Variants in SEMA5A observed in about 807,000 individuals in gnomAD.
The protein encoded by SEMA5A is semaphorin-5A.
SEMA5A carries 55 observed loss-of-function variants against 135.5 expected under a neutral mutation model. The observed-to-expected ratio is 0.41, with a 90% CI of 0.33 to 0.51. The LOEUF (loss-of-function observed/expected upper bound fraction) is 0.51, where lower values mean the gene tolerates loss of function less well. Ranked by LOEUF, SEMA5A falls within the 20% of genes least tolerant of loss-of-function variation. The pLI is 0.37. For synonymous variants in SEMA5A, 580 were observed against 546.5 expected (o/e 1.06, Z -0.85); for missense variants, 1,290 against 1,419.9 (o/e 0.91, Z 1.47).
chr5:9,490,707 CG>C (rs1403854849), intron 1 of SEMA5A, among the ~76,000 whole-genome samples: 1 of 152,188 alleles, frequency 6.6e-6, no homozygotes, highest in African/African-American at 2.4e-5. Context: ...GCCCTCTTCC[CG>C]GGGATGCCCC....
chr5:9,226,835 T>A, intron 7 of SEMA5A, 34 bp downstream of exon 7: 3 of 1,532,754 alleles, frequency 2.0e-6, no homozygotes, highest in Non-Finnish European at 2.7e-6. Flanking sequence ...TCTTCTGATA[T>A]TAAATTCTTT....
At chr5:9,498,360 C>A (rs924356451) in intron 1 of SEMA5A, 1 of 152,190 alleles carries the variant, frequency 6.6e-6, no homozygotes, top group Non-Finnish European at 1.5e-5. Flanking sequence ...GGGAAAAGGA[C>A]TTTCATTCAC....
chr5:9,189,380 T>C (rs984268633), intron 11 of SEMA5A, among the ~76,000 whole-genome samples: 7 of 138,894 alleles, frequency 5.0e-5, no homozygotes, highest in Non-Finnish European at 9.1e-5. Context: ...ATTCAGTAGA[T>C]AGTAGCAACT....
chr5:9,285,247 A>G (rs962468494), intron 5 of SEMA5A, among the ~76,000 whole-genome samples: 2 of 152,146 alleles, frequency 1.3e-5, no homozygotes, highest in African/African-American at 4.8e-5. Context: ...AAATGCTAAT[A>G]TTTCATGATG....
chr5:9,048,818 G>A lies in SEMA5A; in HGVS notation c.2893+1592C>T, dbSNP rs996513060. On this transcript the variant is annotated intron_variant, in intron 21 of 22. Coordinates refer to ENST00000382496, the MANE Select transcript of SEMA5A (RefSeq NM_003966.3). ...ATTAGTGATCTAAAAACATTAGAGG[G>A]TACTAATTGGTATGATCATTTTTAT... is the stretch of plus-strand genomic sequence containing the variant. Among the ~76,000 whole-genome samples, 7 of 152,134 alleles carry A rather than the reference G, an allele frequency of 4.6e-5. No homozygotes were observed. The East Asian group carries it at 7.7e-4, about 17-fold the overall frequency.
At chr5:9,137,413 T>G (rs372007388) in intron 12 of SEMA5A, among the ~76,000 whole-genome samples, 1 of 152,192 alleles carries the variant, frequency 6.6e-6, no homozygotes, top group African/African-American at 2.4e-5. Context: ...ACATGGGCAT[T>G]ATTAGATGAG....
intron 4 of SEMA5A, among the ~76,000 whole-genome samples, chr5:9,336,498 A>G (rs1226128984): frequency 6.6e-6 from 1 of 152,222 alleles, no homozygotes; most frequent in Non-Finnish European, 1.5e-5. Context: ...AGTGAGCATC[A>G]GAAATCCCCC....
At chr5:9,113,834 T>C (rs1740371994) in intron 15 of SEMA5A, among the ~76,000 whole-genome samples, 1 of 152,196 alleles carries the variant, frequency 6.6e-6, no homozygotes, top group East Asian at 1.9e-4. Flanking sequence ...GGAACTCTCA[T>C]GCGTTGCTGT....
intron 1 of SEMA5A, among the ~76,000 whole-genome samples, chr5:9,534,940 C>T (rs984158388): frequency 1.3e-5 from 2 of 152,240 alleles, no homozygotes; most frequent in Non-Finnish European, 2.9e-5. Context: ...AAGCCTGACT[C>T]TTGTCCTGAC....
At chr5:9,436,316 G>T (rs958448500) in intron 2 of SEMA5A, among the ~76,000 whole-genome samples, 1 of 152,230 alleles carries the variant, frequency 6.6e-6, no homozygotes, top group Admixed American at 6.5e-5. Context: ...AGGTGCTGTG[G>T]TTCTCCATGG....
chr5:9,106,732 A>G (rs1048873971), intron 16 of SEMA5A, among the ~76,000 whole-genome samples: 3 of 152,242 alleles, frequency 2.0e-5, no homozygotes, highest in Admixed American at 1.3e-4. Flanking sequence ...TCATTTTAAA[A>G]TTATTTAAAA....
intron 2 of SEMA5A, among the ~76,000 whole-genome samples, chr5:9,405,394 T>C (rs1393619406): frequency 6.6e-6 from 1 of 152,212 alleles, no homozygotes; most frequent in Non-Finnish European, 1.5e-5. Context: ...TTTTAAGCAA[T>C]GTCTAAAGTC....
intron 1 of SEMA5A, among the ~76,000 whole-genome samples, chr5:9,509,883 C>T (rs1736111489): frequency 6.6e-6 from 1 of 152,054 alleles, no homozygotes; most frequent in Non-Finnish European, 1.5e-5. Context: ...AGACAAGGTG[C>T]CTCCAATCAT....
intron 3 of SEMA5A, among the ~76,000 whole-genome samples, chr5:9,349,057 T>A (rs566966619): frequency 6.6e-6 from 1 of 152,342 alleles, no homozygotes; most frequent in South Asian, 2.1e-4. Context: ...AAGCCACTAC[T>A]TCTTCAGACC....
intron 11 of SEMA5A, among the ~76,000 whole-genome samples, chr5:9,157,122 T>C (rs1439284244): frequency 2.0e-5 from 3 of 152,222 alleles, no homozygotes; most frequent in Admixed American, 6.5e-5. Flanking sequence ...TGTCTAGTCA[T>C]GTGACGAGTC....
At chr5:9,528,703 A>G (rs969347667) in intron 1 of SEMA5A, among the ~76,000 whole-genome samples, 1 of 152,228 alleles carries the variant, frequency 6.6e-6, no homozygotes, top group African/African-American at 2.4e-5. Context: ...CACTCAGCTG[A>G]GCCCAGTCCA....
At chr5:9,485,148 G>A (rs1454791062) in intron 1 of SEMA5A, among the ~76,000 whole-genome samples, 3 of 151,942 alleles carry the variant, frequency 2.0e-5, no homozygotes, top group African/African-American at 7.3e-5. Flanking sequence ...TCTACCCAGG[G>A]GAAACATGTG....
At chr5:9,186,206 A>G (rs1347633689) in intron 11 of SEMA5A, among the ~76,000 whole-genome samples, 3 of 152,214 alleles carry the variant, frequency 2.0e-5, no homozygotes, top group Admixed American at 1.3e-4. Context: ...GATGGACACC[A>G]GGAGAGATAC....
chr5:9,235,264 A>T (rs1747839156), intron 6 of SEMA5A, among the ~76,000 whole-genome samples: 1 of 152,362 alleles, frequency 6.6e-6, no homozygotes, highest in African/African-American at 2.4e-5. Context: ...ACATGTAATC[A>T]AGATGAAATA....
Sources: gnomAD v4.1 joint callset for allele counts (sites outside exome capture counted in the v4.1 genomes callset) on GRCh38, gnomAD v4.1.1 for gene constraint, MANE v1.5 for transcripts, NCBI Gene and HGNC (gene_info 2026-07-23, HGNC 2026-07-21) for gene names.